FRMD6: variants seen among roughly 807,000 people sequenced by gnomAD.
The protein encoded by FRMD6 is FERM domain containing 6.
A neutral mutation model predicts 73.2 loss-of-function variants in FRMD6; 37 were observed. The observed-to-expected ratio is 0.51, with a 90% CI of 0.39 to 0.66. The LOEUF (loss-of-function observed/expected upper bound fraction) is 0.66. FRMD6 is among the 30% of genes least tolerant of loss of function. The pLI is 0.00. For missense variants in FRMD6, 714 were observed against 780.5 expected (o/e 0.91, Z 1.02); for synonymous variants, 273 against 282.2 (o/e 0.97, Z 0.33).
intron 1 of FRMD6, among the ~76,000 whole-genome samples, chr14:51,570,002 A>T (rs1038354667): frequency 1.1e-4 from 16 of 151,882 alleles, no homozygotes; most frequent in Non-Finnish European, 7.4e-5. Flanking sequence ...TTTTTAGTAG[A>T]GACGGGGTTT....
chr14:51,711,404 G>A (rs1447063880), intron 7 of FRMD6, 127 bp from the exon 8 acceptor site: 23 of 555,564 alleles, frequency 4.1e-5, no homozygotes, highest in Admixed American at 2.7e-4. Flanking sequence ...CTTGAGCAAA[G>A]TTATTTTAAG....
chr14:51,518,011 A>G (rs1884730873), intron 1 of FRMD6, among the ~76,000 whole-genome samples: 1 of 152,216 alleles, frequency 6.6e-6, no homozygotes, highest in South Asian at 2.1e-4. Flanking sequence ...TAACATACAA[A>G]CAATTAAGGA....
intron 11 of FRMD6, among the ~76,000 whole-genome samples, chr14:51,721,088 A>G (rs535505830): frequency 9.2e-5 from 14 of 152,294 alleles, no homozygotes; most frequent in Non-Finnish European, 1.3e-4. Flanking sequence ...TGTGGCTCTC[A>G]AGTCACTCAG....
rs61969848 is a variant in FRMD6 at position 51,684,728 on chromosome 14, C to T, written c.-146-4963C>T. Among the ~76,000 whole-genome samples, 375 of 152,154 alleles carry T rather than the reference C, an allele frequency of 2.5e-3. 1 individual carries two copies. Among genetic ancestry groups the T allele is most frequent in the African/African-American group, 8.7e-3 (363 of 41,492 alleles). On this transcript the variant is annotated intron_variant, in intron 1 of 13. Transcript: ENST00000344768. ...CTACAATGTGCAGGACAGCCCCCCA[C>T]CAAAAAGAATATTTGGCCCAAAATG...
At chr14:51,405,958 C>T in the FRMD6 span, among the ~76,000 whole-genome samples, 2,887 of 152,046 alleles carry the variant, frequency 0.019, 68 homozygotes, top group African/African-American at 0.053. Context: ...AGGGTTTTTA[C>T]AGTTTTGGGT....
At chr14:51,500,982 G>T (rs1883590458) in intron 1 of FRMD6, among the ~76,000 whole-genome samples, 1 of 152,148 alleles carries the variant, frequency 6.6e-6, no homozygotes, top group Non-Finnish European at 1.5e-5. Context: ...TGGGAAACTT[G>T]CCAGCTTATC....
At chr14:51,598,361 G>A (rs961648375) in intron 2 of FRMD6, among the ~76,000 whole-genome samples, 4 of 152,154 alleles carry the variant, frequency 2.6e-5, no homozygotes, top group Admixed American at 2.6e-4. Context: ...GTGAATATCA[G>A]TCTGACTGCT....
chr14:51,416,901 T>C, the FRMD6 span, among the ~76,000 whole-genome samples: 12 of 152,224 alleles, frequency 7.9e-5, no homozygotes, highest in African/African-American at 2.7e-4. Flanking sequence ...CCTTTACCAT[T>C]ATGTAATGGC....
chr14:51,471,586 A>G, the FRMD6 span, among the ~76,000 whole-genome samples: 1 of 152,300 alleles, frequency 6.6e-6, no homozygotes, highest in African/African-American at 2.4e-5. Context: ...TTAAAGAAAC[A>G]TTCGGCATTC....
chr14:51,704,420 T>C (rs1021907109), intron 5 of FRMD6, among the ~76,000 whole-genome samples: 3 of 152,160 alleles, frequency 2.0e-5, no homozygotes, highest in African/African-American at 7.2e-5. Context: ...GTCTAGTTTC[T>C]ATTCTAATAC....
chr14:51,582,523 G>C (rs1032687939), intron 2 of FRMD6, among the ~76,000 whole-genome samples: 6 of 152,162 alleles, frequency 3.9e-5, no homozygotes, highest in African/African-American at 1.4e-4. Context: ...TCATTAGGAA[G>C]CTACAAGCCT....
chr14:51,396,434 C>T, the FRMD6 span, among the ~76,000 whole-genome samples: 3 of 151,532 alleles, frequency 2.0e-5, no homozygotes, highest in Admixed American at 6.6e-5. Context: ...AGAAGTTAAA[C>T]ATGTGCTCCA....
At chr14:51,584,012 A>C (rs1238723940) in intron 2 of FRMD6, among the ~76,000 whole-genome samples, 3 of 152,248 alleles carry the variant, frequency 2.0e-5, no homozygotes, top group Non-Finnish European at 4.4e-5. Flanking sequence ...ACAGAAATCC[A>C]TAGGCAGGTA....
intron 2 of FRMD6, among the ~76,000 whole-genome samples, chr14:51,591,819 G>T (rs916688041): frequency 1.8e-4 from 28 of 152,170 alleles, no homozygotes; most frequent in African/African-American, 6.5e-4. Flanking sequence ...GGGATTACAG[G>T]TGTGAGCCAC....
chr14:51,669,436 C>T (rs1360103047), intron 1 of FRMD6, among the ~76,000 whole-genome samples: 1 of 152,156 alleles, frequency 6.6e-6, no homozygotes, highest in East Asian at 1.9e-4. Context: ...CTGTCAAATT[C>T]ATTTTCAAAG....
intron 1 of FRMD6, among the ~76,000 whole-genome samples, chr14:51,665,900 C>T (rs1269689029): frequency 6.6e-6 from 1 of 152,190 alleles, no homozygotes; most frequent in Non-Finnish European, 1.5e-5. Context: ...TGCCTTTCAC[C>T]TTCTGCCATG....
At chr14:51,464,504 G>A in the FRMD6 span, among the ~76,000 whole-genome samples, 9 of 152,290 alleles carry the variant, frequency 5.9e-5, no homozygotes, top group South Asian at 2.1e-4. Context: ...CAACTAACTC[G>A]TGCAGGAGAA....
At chr14:51,724,563 T>C (rs912144424) in intron 12 of FRMD6, among the ~76,000 whole-genome samples, 3 of 152,222 alleles carry the variant, frequency 2.0e-5, no homozygotes, top group Non-Finnish European at 4.4e-5. Flanking sequence ...TGTCTTCATA[T>C]TTCATGTTTC....
chr14:51,623,286 C>T (rs1890998653), intron 2 of FRMD6, among the ~76,000 whole-genome samples: 2 of 152,150 alleles, frequency 1.3e-5, no homozygotes, highest in African/African-American at 4.8e-5. Context: ...GAGATTATCG[C>T]ATTGGAGAAT....
Sources: gnomAD v4.1 joint callset for allele counts (sites outside exome capture counted in the v4.1 genomes callset) on GRCh38, gnomAD v4.1.1 for gene constraint, MANE v1.5 for transcripts, NCBI Gene and HGNC (gene_info 2026-07-23, HGNC 2026-07-21) for gene names.